PTPRZ1: variants seen among roughly 807,000 people sequenced by gnomAD.
PTPRZ1 encodes receptor-type tyrosine-protein phosphatase zeta.
Under a neutral mutation model 214.1 loss-of-function variants are expected in PTPRZ1, and 82 were observed. The observed-to-expected ratio is 0.38, with a 90% CI of 0.32 to 0.46. The LOEUF (loss-of-function observed/expected upper bound fraction) is 0.46. PTPRZ1 is among the 20% of genes least tolerant of loss of function. The pLI is 1.00. For missense variants in PTPRZ1, 2,603 were observed against 2,748.7 expected (o/e 0.95, Z 1.19); for synonymous variants, 945 against 987.9 (o/e 0.96, Z 0.81).
chr7:122,012,789 C>T lies in PTPRZ1; in HGVS notation c.3743C>T (p.Pro1248Leu), dbSNP rs1267282988. ...TCTGTACCAGTTTTTGATGTGTCGC[C>T]TACTTCTCATATGCACTCTGCTTCA... ...STSVPVFDVS[P>L]TSHMHSASLQ... Residue 1248 changes from proline to leucine, a missense_variant, in exon 12 of 30, where the codon CCT (proline) becomes CTT (leucine). This residue lies in a region of PTPRZ1 where 1,913 missense variants were observed against 1,914.3 expected (regional missense o/e 1.00). Coordinates refer to ENST00000393386, the MANE Select transcript of PTPRZ1 (RefSeq NM_002851.3). 1.9e-6 allele frequency: 3 copies of T among 1,611,692 alleles called. No individual in the cohort carries two copies. The highest frequency in any genetic ancestry group is 2.7e-5 in the African/African-American group (2 of 74,872).
chr7:121,973,447 T>C (rs1395889013), intron 4 of PTPRZ1, among the ~76,000 whole-genome samples: 2 of 151,956 alleles, frequency 1.3e-5, no homozygotes, highest in Non-Finnish European at 2.9e-5. Flanking sequence ...TGACTGAGAG[T>C]GGAGTCTGAA....
rs1456552372 is a variant in PTPRZ1 at position 122,031,570 on chromosome 7, A to G, written c.5166+11A>G. 1.9e-6 allele frequency: 3 copies of G among 1,551,742 alleles called. No individual in the cohort carries two copies. Among genetic ancestry groups the G allele is most frequent in the Non-Finnish European group, 2.7e-6 (3 of 1,128,644 alleles). ...ACTGAAGAATTTGAGGTATGATTTT[A>G]ATATGTCTATTTTAAATAATATAGA... is the stretch of plus-strand genomic sequence containing the variant. On this transcript the variant is annotated intron_variant, in intron 15 of 29. Transcript: ENST00000393386.
chr7:121,997,800 AG>A, intron 9 of PTPRZ1, 79 bp from the exon 10 acceptor site: 1 of 1,309,486 alleles, frequency 7.6e-7, no homozygotes, highest in Non-Finnish European at 1.0e-6. Flanking sequence ...AGGGAGAAAA[AG>A]TTTTCTAGGA....
chr7:122,019,006 A>G, intron 12 of PTPRZ1, 118 bp from the exon 13 acceptor site: 1 of 964,114 alleles, frequency 1.0e-6, no homozygotes, highest in Non-Finnish European at 1.5e-6. Flanking sequence ...CTTTGCATCA[A>G]AGAGTCAAAA....
At chr7:121,879,917 A>C (rs577871077) in intron 1 of PTPRZ1, among the ~76,000 whole-genome samples, 2 of 148,856 alleles carry the variant, frequency 1.3e-5, no homozygotes, top group Non-Finnish European at 3.0e-5. Flanking sequence ...CTTCAGCTTC[A>C]CTTTCTTTTA....
intron 27 of PTPRZ1, among the ~76,000 whole-genome samples, chr7:122,057,281 G>A (rs1303646984): frequency 2.0e-5 from 3 of 151,822 alleles, no homozygotes; most frequent in African/African-American, 7.2e-5. Flanking sequence ...ATCAGTGCTT[G>A]TGCTGGGAAT....
At chr7:121,887,110 A>C (rs899288093) in intron 1 of PTPRZ1, among the ~76,000 whole-genome samples, 1 of 151,676 alleles carries the variant, frequency 6.6e-6, no homozygotes, top group Non-Finnish European at 1.5e-5. Flanking sequence ...ACATCATCTC[A>C]CCCATGATGG....
Position 122,051,934 on chromosome 7 carries a change from A to G in PTPRZ1, c.6247A>G (p.Ile2083Val). 6.2e-7 allele frequency: 1 copy of G among 1,604,326 alleles called. No individual in the cohort carries two copies. Among genetic ancestry groups the G allele is most frequent in the Non-Finnish European group, 8.5e-7 (1 of 1,177,186 alleles). The change falls in exon 25 of 30, where the codon ATC (isoleucine) becomes GTC (valine). Residue 2083 changes from isoleucine to valine, a missense_variant. Coordinates refer to ENST00000393386, the MANE Select transcript of PTPRZ1 (RefSeq NM_002851.3). ...CACAGACTACATCAATGCCTCCTAT[A>G]TCATGGTAAGTCAGAGAAGTCACTG... is the stretch of plus-strand genomic sequence containing the variant. ...EGTDYINASY[I>V]MGYYQSNEFI...
intron 1 of PTPRZ1, among the ~76,000 whole-genome samples, chr7:121,927,405 G>A (rs999879944): frequency 3.3e-5 from 5 of 152,152 alleles, no homozygotes; most frequent in Admixed American, 6.5e-5. Context: ...AGCAGGCATG[G>A]CTCCTGGCAA....
intron 25 of PTPRZ1, among the ~76,000 whole-genome samples, chr7:122,053,238 A>T (rs796236453): frequency 1.3e-5 from 2 of 152,198 alleles, no homozygotes; most frequent in South Asian, 4.2e-4. Context: ...GTTTTACTTG[A>T]TGAGTTTAAA....
At chr7:121,942,430 A>G (rs1415029999) in intron 2 of PTPRZ1, among the ~76,000 whole-genome samples, 1 of 152,228 alleles carries the variant, frequency 6.6e-6, no homozygotes, top group East Asian at 1.9e-4. Flanking sequence ...TAATGAAGAA[A>G]GCCAGTTTAG....
At position 121,984,023 on chromosome 7, in the gene PTPRZ1, G is replaced by A; in HGVS notation, c.834G>A (p.Met278Ile). 2 of 1,613,380 alleles carry A rather than the reference G, an allele frequency of 1.2e-6. No individual in the cohort carries two copies. The highest frequency in any genetic ancestry group is 8.5e-7 in the Non-Finnish European group (1 of 1,179,650). ...TMQQSGYVML[M>I]DYLQNNFREQ... The stretch of plus-strand genomic sequence containing the variant: ...AACAATCTGGTTATGTCATGCTGAT[G>A]GACTACTTACAAAACAATTTTCGAG... Residue 278 changes from methionine to isoleucine, a missense_variant, in exon 8 of 30, where the codon ATG becomes ATA. Coordinates refer to ENST00000393386, the MANE Select transcript of PTPRZ1 (RefSeq NM_002851.3).
At chr7:122,047,961 C>T (rs532056662) in intron 23 of PTPRZ1, among the ~76,000 whole-genome samples, 1 of 152,050 alleles carries the variant, frequency 6.6e-6, no homozygotes, top group African/African-American at 2.4e-5. Context: ...GCCCATTGCA[C>T]ACATACTCTA....
chr7:121,952,832 C>CT (rs1796598729), intron 2 of PTPRZ1, among the ~76,000 whole-genome samples: 1 of 152,124 alleles, frequency 6.6e-6, no homozygotes, highest in African/African-American at 2.4e-5. Context: ...TGATGATCAG[C>CT]TTGTTTTAGC....
intron 23 of PTPRZ1, among the ~76,000 whole-genome samples, chr7:122,048,127 C>T (rs1792056999): frequency 6.6e-6 from 1 of 151,670 alleles, no homozygotes; most frequent in Admixed American, 6.6e-5. Flanking sequence ...TTAAAAATAC[C>T]CTTTTAAATA....
intron 2 of PTPRZ1, among the ~76,000 whole-genome samples, chr7:121,959,760 A>G (rs1196494): frequency 0.58 from 87,999 of 152,032 alleles, 25,923 homozygotes; most frequent in African/African-American, 0.67. Flanking sequence ...GAATTACTTC[A>G]TTTTTGTATT....
At chr7:121,945,237 A>T (rs149391385) in intron 2 of PTPRZ1, among the ~76,000 whole-genome samples, 172 of 152,356 alleles carry the variant, frequency 1.1e-3, no homozygotes, top group African/African-American at 3.6e-3. Flanking sequence ...CTAAAATAAC[A>T]GAGAACAAAT....
chr7:121,995,381 CTGCTT>C (rs561309369), intron 8 of PTPRZ1, among the ~76,000 whole-genome samples: 1 of 152,288 alleles, frequency 6.6e-6, no homozygotes, highest in Admixed American at 6.5e-5. Context: ...TTCTCTCCCT[CTGCTT>C]TGCAAATCTG....
At chr7:121,947,544 C>A (rs1178339958) in intron 2 of PTPRZ1, among the ~76,000 whole-genome samples, 2 of 152,088 alleles carry the variant, frequency 1.3e-5, no homozygotes, top group Non-Finnish European at 2.9e-5. Context: ...AAAGATAAAT[C>A]AATTAGTAAT....
Sources: allele counts gnomAD v4.1 joint callset (sites outside exome capture counted in the v4.1 genomes callset), GRCh38; gene constraint gnomAD v4.1.1; regional missense constraint gnomAD v4.1.1; transcripts MANE v1.5; gene names NCBI Gene and HGNC (gene_info 2026-07-23, HGNC 2026-07-21).